Variants in PMM2 observed in about 807,000 individuals in gnomAD.
The protein encoded by PMM2 is phosphomannomutase 2, also known as mannose-6-phosphate isomerase.
In PMM2, 35 loss-of-function variants were observed where a neutral mutation model predicts 33.2. The observed-to-expected ratio is 1.06, with a 90% CI of 0.81 to 1.40. The LOEUF (loss-of-function observed/expected upper bound fraction) is 1.40. PMM2 is among the 40% of genes most tolerant of loss of function. The pLI is 0.00. For missense variants in PMM2, 386 were observed against 306.0 expected (o/e 1.26, Z -1.95); for synonymous variants, 153 against 114.7 (o/e 1.33, Z -2.13).
chr16:8,849,092 C>G lies in PMM2; in HGVS notation c.*1267C>G, dbSNP rs529083578. The G allele has an allele frequency of 2.0e-5, 3 of 152,430 alleles. No individual in the cohort carries two copies. The highest frequency in any genetic ancestry group is 7.2e-5 in the African/African-American group (3 of 41,588). The allele number at this position is 152,430 out of a possible 1,614,324, so 9.4% of individuals were successfully genotyped here. Reference sequence around the variant, plus strand: ...AGGGGAGCCCAGGCTGCCCTGCACTCCTGCCTCCCAGCCCACAGCCAGGTG... The same window carrying G: ...AGGGGAGCCCAGGCTGCCCTGCACTGCTGCCTCCCAGCCCACAGCCAGGTG... On this transcript the variant is annotated 3_prime_UTR_variant, in exon 8 of 8. Coordinates refer to ENST00000268261, the MANE Select transcript of PMM2 (RefSeq NM_000303.3).
chr16:8,838,532 G>A (rs969322915), intron 7 of PMM2, among the ~76,000 whole-genome samples: 1 of 151,930 alleles, frequency 6.6e-6, no homozygotes, highest in South Asian at 2.1e-4. Flanking sequence ...GATTAGGGGC[G>A]GCGTGGGAAC....
At chr16:8,835,550 T>C (rs1200497499) in intron 7 of PMM2, among the ~76,000 whole-genome samples, 2 of 151,970 alleles carry the variant, frequency 1.3e-5, no homozygotes, top group Admixed American at 1.3e-4. Context: ...GATGGAGGTA[T>C]TGAGGACAGG....
chr16:8,811,627 G>C lies in PMM2; in HGVS notation c.448-11G>C. ...TACAAGAAACAATTGGTATCTTTTT[G>C]TTTTTCTCAGAAAGAAAATATAAGA... On this transcript the variant is annotated splice_polypyrimidine_tract_variant and intron_variant, in intron 5 of 7. Coordinates refer to ENST00000268261, the MANE Select transcript of PMM2 (RefSeq NM_000303.3). 1 of 1,586,730 alleles carries C rather than the reference G, an allele frequency of 6.3e-7. No homozygotes were observed. The highest frequency in any genetic ancestry group is 2.2e-5 in the East Asian group (1 of 44,758).
intron 4 of PMM2, chr16:8,807,929 G>A (rs1185610572): frequency 6.6e-6 from 1 of 152,168 alleles, no homozygotes; most frequent in Non-Finnish European, 1.5e-5. Flanking sequence ...GCAGGAAATA[G>A]ACCCAAATGT....
At chr16:8,799,108 C>T (rs1438445016) in intron 1 of PMM2, among the ~76,000 whole-genome samples, 1 of 152,190 alleles carries the variant, frequency 6.6e-6, no homozygotes, top group South Asian at 2.1e-4. Flanking sequence ...TCTGTCTTTG[C>T]TGACTATGTG....
At chr16:8,846,309 C>T (rs1321702451) in intron 7 of PMM2, among the ~76,000 whole-genome samples, 3 of 152,146 alleles carry the variant, frequency 2.0e-5, no homozygotes, top group Admixed American at 2.0e-4. Flanking sequence ...ATCATGGTTT[C>T]CACGTTGGCT....
At chr16:8,805,177 T>TA (rs1425579871) in intron 3 of PMM2, among the ~76,000 whole-genome samples, 3 of 152,140 alleles carry the variant, frequency 2.0e-5, no homozygotes, top group African/African-American at 7.2e-5. Context: ...AAACAATTCT[T>TA]ACGCCTCAGC....
At chr16:8,819,086 G>C (rs1465180834) in intron 7 of PMM2, among the ~76,000 whole-genome samples, 1 of 152,206 alleles carries the variant, frequency 6.6e-6, no homozygotes, top group Non-Finnish European at 1.5e-5. Flanking sequence ...AGCTGGTTTG[G>C]TTTTTGACTT....
At chr16:8,827,804 T>TA (rs1567164726) in intron 7 of PMM2, among the ~76,000 whole-genome samples, 520 of 41,690 alleles carry the variant, frequency 0.012, 3 homozygotes, top group East Asian at 0.022. Flanking sequence ...TTATACATAT[T>TA]TATATATTTA....
At chr16:8,830,238 C>G (rs925224554) in intron 7 of PMM2, among the ~76,000 whole-genome samples, 13 of 152,146 alleles carry the variant, frequency 8.5e-5, no homozygotes, top group Admixed American at 6.5e-4. Context: ...GCTACTGAAT[C>G]GCTGGAAGAT....
At chr16:8,810,984 C>T (rs1475375631) in intron 4 of PMM2, 95 bp from the exon 5 acceptor site, 2 of 773,134 alleles carry the variant, frequency 2.6e-6, no homozygotes, top group Admixed American at 2.0e-5. Flanking sequence ...CTAGCCTCTG[C>T]TTTTTAGAAT....
rs572412485 is a variant in PMM2 at position 8,815,110 on chromosome 16, T to C, written c.639+2004T>C. 2.0e-5 allele frequency among the ~76,000 whole-genome samples: 3 copies of C among 152,356 alleles called. No individual in the cohort carries two copies. The South Asian group carries it at 6.2e-4, about 32-fold the overall frequency. ...TATTCATCCTTCTGTAAGGGGCTTA[T>C]TCACTCAGTATGTCTTCTCAGTTTA... On this transcript the variant is annotated intron_variant, in intron 7 of 7. Coordinates refer to ENST00000268261, the MANE Select transcript of PMM2 (RefSeq NM_000303.3).
At chr16:8,835,882 A>G (rs986575583) in intron 7 of PMM2, among the ~76,000 whole-genome samples, 5 of 151,912 alleles carry the variant, frequency 3.3e-5, no homozygotes, top group African/African-American at 1.2e-4. Context: ...GTTGGGGGAT[A>G]CAAGAGGAGG....
chr16:8,807,500 T>G (rs1291257437), intron 4 of PMM2: 1 of 152,212 alleles, frequency 6.6e-6, no homozygotes, highest in Non-Finnish European at 1.5e-5. Context: ...TTTTGTTTTG[T>G]TTTGTTTTTT....
intron 7 of PMM2, among the ~76,000 whole-genome samples, chr16:8,819,813 A>G (rs936859792): frequency 6.6e-6 from 1 of 152,162 alleles, no homozygotes. Flanking sequence ...TATGTTGTAC[A>G]TGCTCCCAGG....
chr16:8,825,027 A>G (rs2060758848), intron 7 of PMM2, among the ~76,000 whole-genome samples: 1 of 152,092 alleles, frequency 6.6e-6, no homozygotes. Flanking sequence ...TGCTAAAGCT[A>G]GTTTTGTTTT....
At position 8,833,525 on chromosome 16, in the gene PMM2, T is replaced by C. The variant is rs61035292; in HGVS notation, c.640-14199T>C. Among the ~76,000 whole-genome samples the C allele has an allele frequency of 2.8e-3, 421 of 151,728 alleles. 2 individuals carry two copies. Among genetic ancestry groups the C allele is most frequent in the African/African-American group, 9.8e-3 (405 of 41,348 alleles). On this transcript the variant is annotated intron_variant, in intron 7 of 7. Coordinates refer to ENST00000268261, the MANE Select transcript of PMM2 (RefSeq NM_000303.3). ...AAATAGTGTTGAAGTGTTGGGGCGG[T>C]GAAAATTTTTAGGGGGTGGTATGGA...
intron 7 of PMM2, chr16:8,832,965 C>CCCCAACCACACCACAGGCT (rs1567166456): frequency 7.3e-6 from 7 of 963,686 alleles, no homozygotes; most frequent in East Asian, 2.3e-4. Context: ...TGACTGGTCT[C>CCCCAACCACACCACAGGCT]CCCAGGGCAG....
At chr16:8,841,727 G>A (rs1455333269) in intron 7 of PMM2, among the ~76,000 whole-genome samples, 1 of 114,776 alleles carries the variant, frequency 8.7e-6, no homozygotes, top group East Asian at 2.5e-4. Context: ...GAAATATGGG[G>A]AAATGGGGTG....
Sources: allele counts gnomAD v4.1 joint callset (sites outside exome capture counted in the v4.1 genomes callset), GRCh38; gene constraint gnomAD v4.1.1; transcripts MANE v1.5; gene names NCBI Gene and HGNC (gene_info 2026-07-23, HGNC 2026-07-21).